Variants in ASH2L observed in about 807,000 individuals in gnomAD.
The protein encoded by ASH2L is set1/Ash2 histone methyltransferase complex subunit ASH2.
ASH2L carries 30 observed loss-of-function variants against 81.1 expected under a neutral mutation model. The observed-to-expected ratio is 0.37, with a 90% CI of 0.28 to 0.50. ASH2L has a LOEUF of 0.50. Ranked by LOEUF, ASH2L falls within the 20% of genes least tolerant of loss-of-function variation. The pLI is 0.95. For missense variants in ASH2L, 559 were observed against 792.1 expected (o/e 0.71, Z 3.53); for synonymous variants, 273 against 279.9 (o/e 0.98, Z 0.24).
chr8:38,111,195 T>C (rs928463126), intron 5 of ASH2L, among the ~76,000 whole-genome samples: 4 of 152,122 alleles, frequency 2.6e-5, no homozygotes, highest in Non-Finnish European at 5.9e-5. Context: ...CCTCCCAAAG[T>C]GCTGGGATTA....
chr8:38,135,221 T>C lies in ASH2L; in HGVS notation c.1621-447T>C, dbSNP rs112575812. On this transcript the variant is annotated intron_variant, in intron 13 of 15. Coordinates refer to ENST00000343823, the MANE Select transcript of ASH2L (RefSeq NM_004674.5). ...ATGTTTGGTATATGTAGCACAGGAA[T>C]TCAGAAAACAAAGCCCCGGACTTTG... Among the ~76,000 whole-genome samples, 359 of 152,240 alleles carry C rather than the reference T, an allele frequency of 2.4e-3. 1 individual carries two copies. The highest frequency in any genetic ancestry group is 7.7e-3 in the African/African-American group (320 of 41,558).
At chr8:38,114,458 C>A (rs1810812511) in intron 6 of ASH2L, among the ~76,000 whole-genome samples, 171 bp downstream of exon 6, 1 of 152,156 alleles carries the variant, frequency 6.6e-6, no homozygotes, top group Non-Finnish European at 1.5e-5. Context: ...CACACAGAAT[C>A]AGTGAGATGC....
chr8:38,110,109 G>A (rs1016759609), intron 3 of ASH2L, among the ~76,000 whole-genome samples: 8 of 152,128 alleles, frequency 5.3e-5, no homozygotes, highest in East Asian at 1.9e-4. Flanking sequence ...ATAAAGAGGC[G>A]TACAGCCTGT....
At chr8:38,133,610 T>C in intron 13 of ASH2L, 64 bp downstream of exon 13, 6 of 1,299,704 alleles carry the variant, frequency 4.6e-6, no homozygotes, top group Non-Finnish European at 5.3e-6. Context: ...CATTCCTTCA[T>C]TATAAAAGTG....
chr8:38,118,961 C>A, intron 8 of ASH2L: 1 of 246,154 alleles, frequency 4.1e-6, no homozygotes, highest in Non-Finnish European at 7.9e-6. Context: ...AGTGAGAATG[C>A]ATTTGTGTCA....
chr8:38,126,176 C>A (rs1801837294), intron 10 of ASH2L, among the ~76,000 whole-genome samples: 1 of 151,330 alleles, frequency 6.6e-6, no homozygotes, highest in Non-Finnish European at 1.5e-5. Flanking sequence ...ACACTCCAGC[C>A]TGGATGACAG....
chr8:38,110,434 A>G lies in ASH2L; in HGVS notation c.457A>G (p.Ser153Gly), dbSNP rs1463545118. 1.2e-6 allele frequency: 2 copies of G among 1,614,206 alleles called. No individual in the cohort carries two copies. The highest frequency in any genetic ancestry group is 1.1e-5 in the South Asian group (1 of 91,088). The change falls in exon 4 of 16, where the codon AGT becomes GGT. Residue 153 changes from serine to glycine, a missense_variant. This residue lies in a region of ASH2L where 318 missense variants were observed against 527.0 expected (regional missense o/e 0.60). Transcript: ENST00000343823. Reference protein sequence around the residue: ...YSFHCNVCHHSGNTYFLRKQA... With the variant: ...YSFHCNVCHHGGNTYFLRKQA... ...TTTTCATTGCAACGTCTGCCATCAC[A>G]GTGGGAATACCTATTTCCTCCGGAA...
chr8:38,130,288 GTT>G (rs562730116), intron 12 of ASH2L, among the ~76,000 whole-genome samples: 1 of 53,760 alleles, frequency 1.9e-5, no homozygotes, highest in Non-Finnish European at 4.0e-5. Flanking sequence ...GGTATTTTTT[GTT>G]TTTTTTTTTT....
intron 10 of ASH2L, among the ~76,000 whole-genome samples, chr8:38,123,086 T>C (rs970302996): frequency 1.2e-4 from 17 of 142,864 alleles, no homozygotes; most frequent in African/African-American, 4.1e-4. Flanking sequence ...GAATTTCTTT[T>C]TTTTTTTTTT....
intron 11 of ASH2L, 64 bp from the exon 12 acceptor site, chr8:38,128,694 C>T (rs1801949054): frequency 1.3e-6 from 2 of 1,559,850 alleles, no homozygotes; most frequent in African/African-American, 2.8e-5. Flanking sequence ...GGATCTTTTT[C>T]CTTCAGCAAA....
At chr8:38,131,336 A>C (rs1451127520) in intron 12 of ASH2L, among the ~76,000 whole-genome samples, 1 of 152,138 alleles carries the variant, frequency 6.6e-6, no homozygotes, top group African/African-American at 2.4e-5. Context: ...ATTACAAAAA[A>C]AATTTTTTTT....
At chr8:38,125,125 C>T (rs1031923262) in intron 10 of ASH2L, among the ~76,000 whole-genome samples, 2 of 152,176 alleles carry the variant, frequency 1.3e-5, no homozygotes, top group African/African-American at 2.4e-5. Flanking sequence ...GACCACACCT[C>T]CAACATTGTG....
intron 9 of ASH2L, among the ~76,000 whole-genome samples, chr8:38,120,043 T>G (rs753096170): frequency 6.6e-6 from 1 of 152,206 alleles, no homozygotes; most frequent in African/African-American, 2.4e-5. Flanking sequence ...GAGAATTGCT[T>G]GAACCCAGGA....
chr8:38,115,914 C>G (rs1810872139), intron 7 of ASH2L, among the ~76,000 whole-genome samples: 1 of 152,174 alleles, frequency 6.6e-6, no homozygotes, highest in African/African-American at 2.4e-5. Flanking sequence ...TGGGACTCTG[C>G]AAGCTTCATT....
At chr8:38,128,996 T>TG in intron 12 of ASH2L, 45 bp downstream of exon 12, 1 of 1,586,924 alleles carries the variant, frequency 6.3e-7, no homozygotes, top group Non-Finnish European at 8.6e-7. Flanking sequence ...TGAAGGCCTG[T>TG]GGCAGCCAGT....
intron 6 of ASH2L, 64 bp downstream of exon 6, chr8:38,114,351 A>G (rs1008383246): frequency 1.2e-5 from 12 of 1,023,938 alleles, no homozygotes; most frequent in African/African-American, 1.2e-4. Context: ...TAAGAATTCA[A>G]TAATATCGTC....
intron 8 of ASH2L, among the ~76,000 whole-genome samples, chr8:38,118,666 G>A (rs894271775): frequency 1.3e-5 from 2 of 152,206 alleles, no homozygotes; most frequent in Non-Finnish European, 2.9e-5. Context: ...GTGCAACCAC[G>A]ATGGAGATCT....
At chr8:38,106,000 C>G (rs779467206) in intron 1 of ASH2L, 65 of 1,531,030 alleles carry the variant, frequency 4.2e-5, no homozygotes, top group Non-Finnish European at 5.5e-5. Flanking sequence ...TGGTAGCTCA[C>G]ACTTTAACGG....
chr8:38,107,545 C>T (rs1163249985), intron 3 of ASH2L, among the ~76,000 whole-genome samples: 1 of 152,140 alleles, frequency 6.6e-6, no homozygotes, highest in Non-Finnish European at 1.5e-5. Context: ...TTTGAGATGA[C>T]CCATGCTCTT....
Sources: allele counts gnomAD v4.1 joint callset (sites outside exome capture counted in the v4.1 genomes callset), GRCh38; gene constraint gnomAD v4.1.1; regional missense constraint gnomAD v4.1.1; transcripts MANE v1.5; gene names NCBI Gene and HGNC (gene_info 2026-07-23, HGNC 2026-07-21).